Variants in TLK2 observed in about 807,000 individuals in gnomAD.
TLK2 encodes the protein serine/threonine-protein kinase tousled-like 2.
TLK2 carries 6 observed loss-of-function variants against 117.3 expected under a neutral mutation model. The ratio of observed to expected loss-of-function variants is 0.05; its 90% CI spans 0.03 to 0.10. TLK2 has a LOEUF of 0.10. Among genes scored for constraint, TLK2 ranks in the 10% least tolerant of loss-of-function variants. TLK2 has a pLI of 1.00. For synonymous variants in TLK2, 257 were observed against 316.7 expected (o/e 0.81, Z 2.00); for missense variants, 299 against 901.2 (o/e 0.33, Z 8.56).
chr17:62,537,130 C>G (rs1314325760), intron 7 of TLK2, among the ~76,000 whole-genome samples: 1 of 152,266 alleles, frequency 6.6e-6, no homozygotes, highest in African/African-American at 2.4e-5. Flanking sequence ...GTCCCTCTTA[C>G]TGGTTCATTT....
chr17:62,595,237 T>C (rs2082383671), intron 16 of TLK2, among the ~76,000 whole-genome samples: 1 of 149,726 alleles, frequency 6.7e-6, no homozygotes. Context: ...CGCCTTGGCC[T>C]CCCAAAGTCC....
At chr17:62,493,090 C>T (rs1377182330) in intron 2 of TLK2, among the ~76,000 whole-genome samples, 1 of 152,078 alleles carries the variant, frequency 6.6e-6, no homozygotes, top group Non-Finnish European at 1.5e-5. Flanking sequence ...AAGCAAGACT[C>T]CGTCTCAAAA....
chr17:62,597,481 T>G (rs2082562989), intron 17 of TLK2, among the ~76,000 whole-genome samples: 1 of 152,236 alleles, frequency 6.6e-6, no homozygotes, highest in African/African-American at 2.4e-5. Flanking sequence ...AGCATGCCAC[T>G]GACGTGCACT....
rs570021865 is a variant in TLK2, at chr17:62,554,554, C to T, written c.720+799C>T. 2.0e-5 allele frequency among the ~76,000 whole-genome samples: 3 copies of T among 152,112 alleles called. No homozygotes were observed. The East Asian group carries it at 5.8e-4, about 29-fold the overall frequency. ...CTGAGATTGCGCCACTGCATTCCAG[C>T]CTGGGCGACAGAGTGATACTTTGTC... is the stretch of plus-strand genomic sequence containing the variant. On this transcript the variant is annotated intron_variant, in intron 9 of 21. Transcript: ENST00000346027.
chr17:62,484,523 C>T (rs891163942), intron 2 of TLK2, among the ~76,000 whole-genome samples: 5 of 151,578 alleles, frequency 3.3e-5, no homozygotes, highest in African/African-American at 1.2e-4. Flanking sequence ...GTCTCGAAAT[C>T]CTGACCTCAG....
intron 3 of TLK2, 24 bp from the exon 4 acceptor site, chr17:62,522,180 T>A (rs1348456519): frequency 1.2e-6 from 2 of 1,605,562 alleles, no homozygotes; most frequent in Non-Finnish European, 1.7e-6. Flanking sequence ...AAATGCTAAT[T>A]GTGACTTATA....
At chr17:62,476,908 C>A (rs2071062485), upstream of TLK2, among the ~76,000 whole-genome samples, 1 of 138,216 alleles carries the variant, frequency 7.2e-6, no homozygotes, top group African/African-American at 2.7e-5. Context: ...ATGGCAAAAC[C>A]TCGATTCTAC....
At position 62,540,698 on chromosome 17, in the gene TLK2, C is replaced by T. The variant is rs541113136; in HGVS notation, c.531+4361C>T. On this transcript the variant is annotated intron_variant, in intron 7 of 21. Transcript: ENST00000346027. Reference sequence around the variant, plus strand: ...ACAGGCATGAGCCACTGCATCTGGCCTGTGTTCAGAATTTTACCACTTCTA... The same window carrying T: ...ACAGGCATGAGCCACTGCATCTGGCTTGTGTTCAGAATTTTACCACTTCTA... 3.3e-5 allele frequency among the ~76,000 whole-genome samples: 5 copies of T among 152,170 alleles called. No individual in the cohort carries two copies. In the East Asian group the frequency reaches 9.7e-4, roughly 29 times the overall value.
intron 6 of TLK2, among the ~76,000 whole-genome samples, chr17:62,533,187 T>C (rs2076858917): frequency 6.6e-6 from 1 of 151,422 alleles, no homozygotes; most frequent in African/African-American, 2.4e-5. Context: ...ATTTATATTA[T>C]TAATTTGTTA....
chr17:62,523,095 G>A (rs1265385592), intron 4 of TLK2, 39 bp from the exon 5 acceptor site: 2 of 1,564,866 alleles, frequency 1.3e-6, no homozygotes, highest in South Asian at 1.2e-5. Context: ...GTTTATATGT[G>A]TATTGGAAAA....
At chr17:62,595,722 AT>A (rs1312056884) in intron 16 of TLK2, among the ~76,000 whole-genome samples, 1 of 152,156 alleles carries the variant, frequency 6.6e-6, no homozygotes, top group African/African-American at 2.4e-5. Flanking sequence ...ATAATTTCAC[AT>A]TTCATATTTT....
Position 62,608,026 on chromosome 17 carries a change from G to A in TLK2, c.1972-15G>A. 6.2e-7 allele frequency: 1 copy of A among 1,602,148 alleles called. No individual in the cohort carries two copies. Among genetic ancestry groups the A allele is most frequent in the East Asian group, 2.2e-5 (1 of 44,778 alleles). On this transcript the variant is annotated splice_polypyrimidine_tract_variant and intron_variant, in intron 20 of 21. Coordinates refer to ENST00000346027, the MANE Select transcript of TLK2 (RefSeq NM_006852.6). Reference sequence around the variant, plus strand: ...CATCAGAGGCCTACATTATTTGTTTGTTTTTATGTGACAGCCTTTTGGCCA... The same window carrying A: ...CATCAGAGGCCTACATTATTTGTTTATTTTTATGTGACAGCCTTTTGGCCA...
chr17:62,531,281 T>G (rs1228293214), intron 6 of TLK2, among the ~76,000 whole-genome samples: 7 of 152,122 alleles, frequency 4.6e-5, no homozygotes, highest in Admixed American at 2.0e-4. Flanking sequence ...TTTGTTCTTC[T>G]TGTCTTTATA....
chr17:62,475,847 A>G (rs1452424425), upstream of TLK2, among the ~76,000 whole-genome samples: 1 of 150,414 alleles, frequency 6.6e-6, no homozygotes, highest in Middle Eastern at 3.4e-3. Context: ...TTTTTAGTAG[A>G]GACAGGGTTT....
chr17:62,539,353 T>G (rs1378322161), intron 7 of TLK2, among the ~76,000 whole-genome samples: 1 of 152,200 alleles, frequency 6.6e-6, no homozygotes, highest in Non-Finnish European at 1.5e-5. Context: ...GCATACGGTC[T>G]TTCACTCGGC....
Position 62,520,790 on chromosome 17 carries a change from G to T in TLK2, c.99G>T (p.Glu33Asp). 1 of 1,612,008 alleles carries T rather than the reference G, an allele frequency of 6.2e-7. No homozygotes were observed. The highest frequency in any genetic ancestry group is 8.5e-7 in the Non-Finnish European group (1 of 1,178,956). Residue 33 changes from glutamate (E) to aspartate (D), a missense_variant, in exon 3 of 22, where the codon GAG (glutamate) becomes GAT (aspartate). By Grantham distance (45) the Glu-to-Asp change is conservative (BLOSUM62 2). Transcript: ENST00000346027. ...TCTTTCAGGGACCACTTAATAGTGA[G>T]TCTTCCAACCAGAGCTTGTGCAGCG... ...VGVSKGPLNS[E>D]SSNQSLCSVG...
intron 19 of TLK2, 27 bp downstream of exon 19, chr17:62,602,207 T>G (rs780069237): frequency 1.9e-6 from 3 of 1,610,628 alleles, no homozygotes; most frequent in Non-Finnish European, 2.5e-6. Context: ...TCTGCCAGGT[T>G]GGCTATAGAG....
At chr17:62,577,395 A>G (rs182986727) in intron 13 of TLK2, among the ~76,000 whole-genome samples, 1 of 152,324 alleles carries the variant, frequency 6.6e-6, no homozygotes, top group East Asian at 1.9e-4. Flanking sequence ...AAATTTAAAT[A>G]TATAACAAGA....
intron 2 of TLK2, among the ~76,000 whole-genome samples, chr17:62,493,189 T>G (rs773713634): frequency 1.3e-5 from 2 of 152,236 alleles, no homozygotes; most frequent in African/African-American, 4.8e-5. Flanking sequence ...TGAATTTGAC[T>G]ACTCTAGGTA....
Sources: allele counts gnomAD v4.1 joint callset (sites outside exome capture counted in the v4.1 genomes callset), GRCh38; gene constraint gnomAD v4.1.1; transcripts MANE v1.5; gene names NCBI Gene and HGNC (gene_info 2026-07-23, HGNC 2026-07-21).